The following ABI2 variants were observed in gnomAD, a reference collection of about 807,000 sequenced individuals.
The protein encoded by ABI2 is abl interactor 2, also known as abelson interactor 2.
A neutral mutation model predicts 59.2 loss-of-function variants in ABI2; 25 were observed. That is an observed-to-expected ratio of 0.42 (90% CI 0.31 to 0.59). ABI2 has a LOEUF of 0.59. ABI2 is among the 20% of genes least tolerant of loss of function. The pLI, the probability that ABI2 is intolerant of heterozygous loss-of-function variation, is 0.14. For missense variants in ABI2, 545 were observed against 681.8 expected (o/e 0.80, Z 2.23); for synonymous variants, 213 against 235.5 (o/e 0.90, Z 0.87).
chr2:203,365,921 G>T (rs2094375702), intron 1 of ABI2, among the ~76,000 whole-genome samples: 1 of 151,982 alleles, frequency 6.6e-6, no homozygotes, highest in Non-Finnish European at 1.5e-5. Context: ...GAGCCACCGT[G>T]CCCGGCCGGG....
chr2:203,392,332 A>C (rs866774147), intron 5 of ABI2, among the ~76,000 whole-genome samples: 12,388 of 136,356 alleles, frequency 0.091, 679 homozygotes, highest in Middle Eastern at 0.14. Context: ...AACAACAACA[A>C]CAACAACAAC....
intron 1 of ABI2, among the ~76,000 whole-genome samples, chr2:203,363,908 G>T (rs148025289): frequency 6.6e-6 from 1 of 151,876 alleles, no homozygotes; most frequent in Non-Finnish European, 1.5e-5. Flanking sequence ...GGGATTACAG[G>T]CATGTGCCAC....
At chr2:203,339,614 A>G (rs1232893271) in intron 1 of ABI2, among the ~76,000 whole-genome samples, 1 of 151,956 alleles carries the variant, frequency 6.6e-6, no homozygotes, top group East Asian at 1.9e-4. Context: ...GAAAAAAAGA[A>G]AACCCAGTTC....
At chr2:203,330,690 G>A (rs1224541560) in intron 1 of ABI2, among the ~76,000 whole-genome samples, 1 of 152,156 alleles carries the variant, frequency 6.6e-6, no homozygotes, top group East Asian at 1.9e-4. Context: ...AAGAGTTGCA[G>A]GTCAGAAGAG....
intron 1 of ABI2, among the ~76,000 whole-genome samples, chr2:203,354,816 G>A (rs976440571): frequency 6.6e-6 from 1 of 152,166 alleles, no homozygotes; most frequent in Admixed American, 6.5e-5. Context: ...CCTGCCCTTT[G>A]CTCCAGAGGG....
intron 11 of ABI2, among the ~76,000 whole-genome samples, chr2:203,423,701 G>GCCCACCACCACGC (rs2098317557): frequency 6.6e-6 from 1 of 152,152 alleles, no homozygotes; most frequent in African/African-American, 2.4e-5. Context: ...GATTACAGGC[G>GCCCACCACCACGC]TGAGCCACCG....
chr2:203,345,664 C>T (rs1390337906), intron 1 of ABI2, among the ~76,000 whole-genome samples: 3 of 151,942 alleles, frequency 2.0e-5, no homozygotes, highest in African/African-American at 7.2e-5. Flanking sequence ...CCACCTCGGC[C>T]TCCCAGAGAG....
intron 2 of ABI2, among the ~76,000 whole-genome samples, chr2:203,369,698 G>A (rs1017063356): frequency 1.8e-4 from 27 of 152,116 alleles, no homozygotes; most frequent in African/African-American, 6.3e-4. Flanking sequence ...GGAATACGTC[G>A]AACCTTCTTT....
At chr2:203,404,920 T>A (rs1173713706) in intron 9 of ABI2, among the ~76,000 whole-genome samples, 1 of 152,214 alleles carries the variant, frequency 6.6e-6, no homozygotes, top group Non-Finnish European at 1.5e-5. Context: ...GAGAACTCTG[T>A]AGGTAGAATT....
At chr2:203,407,651 ACATT>A (rs1291117864) in intron 9 of ABI2, among the ~76,000 whole-genome samples, 1 of 152,184 alleles carries the variant, frequency 6.6e-6, no homozygotes, top group Non-Finnish European at 1.5e-5. Context: ...TTATATCTAA[ACATT>A]CTTGTATATT....
At chr2:203,337,636 C>T (rs1320961878) in intron 1 of ABI2, among the ~76,000 whole-genome samples, 1 of 152,130 alleles carries the variant, frequency 6.6e-6, no homozygotes, top group Admixed American at 6.5e-5. Flanking sequence ...AATAGAAAAA[C>T]CCTAAAATTC....
intron 1 of ABI2, among the ~76,000 whole-genome samples, chr2:203,333,915 C>T (rs571592722): frequency 1.0e-3 from 159 of 151,436 alleles, no homozygotes; most frequent in South Asian, 6.5e-3. Flanking sequence ...ATAAACTGTT[C>T]ATTTATTTTT....
At chr2:203,393,197 G>GTTTC (rs2096839572) in intron 5 of ABI2, among the ~76,000 whole-genome samples, 2 of 152,162 alleles carry the variant, frequency 1.3e-5, no homozygotes, top group African/African-American at 2.4e-5. Context: ...TGGGATTACA[G>GTTTC]GTGTGCGCCA....
chr2:203,388,861 C>G (rs1363643464), intron 4 of ABI2, among the ~76,000 whole-genome samples: 2 of 152,108 alleles, frequency 1.3e-5, no homozygotes, highest in Non-Finnish European at 2.9e-5. Flanking sequence ...AAGCTCTTTT[C>G]AAATATTTTA....
intron 1 of ABI2, chr2:203,342,069 AT>A (rs373741015): frequency 9.9e-3 from 3,258 of 328,800 alleles, no homozygotes; most frequent in South Asian, 0.017. Flanking sequence ...AATTATGTTC[AT>A]TTTTTTTTTG....
chr2:203,401,665 T>A (rs529514586), intron 8 of ABI2, among the ~76,000 whole-genome samples: 28 of 152,314 alleles, frequency 1.8e-4, no homozygotes, highest in Non-Finnish European at 3.7e-4. Context: ...TCTTAATTTT[T>A]TTCATGATTG....
At chr2:203,329,799 C>T (rs946223260) in intron 1 of ABI2, among the ~76,000 whole-genome samples, 1 of 151,710 alleles carries the variant, frequency 6.6e-6, no homozygotes, top group Non-Finnish European at 1.5e-5. Context: ...TGCAGTGGCG[C>T]GATCTCGGCT....
At chr2:203,370,660 T>C (rs2095084851) in intron 2 of ABI2, among the ~76,000 whole-genome samples, 2 of 152,150 alleles carry the variant, frequency 1.3e-5, no homozygotes, top group Admixed American at 6.5e-5. Flanking sequence ...AAATATTGTG[T>C]GTTTCTAGAG....
intron 11 of ABI2, among the ~76,000 whole-genome samples, chr2:203,425,254 C>T (rs2098392901): frequency 6.6e-6 from 1 of 152,004 alleles, no homozygotes; most frequent in Non-Finnish European, 1.5e-5. Context: ...ACAAGAGTCT[C>T]ACTCTGTCAC....
Sources: gnomAD v4.1 joint callset for allele counts (sites outside exome capture counted in the v4.1 genomes callset) on GRCh38, gnomAD v4.1.1 for gene constraint, MANE v1.5 for transcripts, NCBI Gene and HGNC (gene_info 2026-07-23, HGNC 2026-07-21) for gene names.